The following BANK1 variants were observed in gnomAD, a reference collection of about 807,000 sequenced individuals.
BANK1 encodes B cell scaffold protein with ankyrin repeats 1, also known as B-cell scaffold protein with ankyrin repeats.
BANK1 carries 95 observed loss-of-function variants against 94.5 expected under a neutral mutation model. The ratio of observed to expected loss-of-function variants is 1.00; its 90% CI spans 0.85 to 1.19. The LOEUF (loss-of-function observed/expected upper bound fraction) is 1.19. BANK1 is among the 50% of genes most tolerant of loss of function. The pLI is 0.00. For missense variants in BANK1, 987 were observed against 932.2 expected (o/e 1.06, Z -0.77); for synonymous variants, 334 against 308.4 (o/e 1.08, Z -0.87).
rs1420311191 is a variant in BANK1 at position 102,021,545 on chromosome 4, A to C, written c.1238A>C (p.Glu413Ala). Residue 413 changes from glutamate to alanine, a missense_variant, in exon 8 of 17, where the codon GAA becomes GCA. Coordinates refer to ENST00000322953, the MANE Select transcript of BANK1 (RefSeq NM_017935.5). ...IQEIDINNEQ[E>A]NDYEEDIASF... ...GAAATTGACATAAATAATGAGCAAG[A>C]AAATGATTATGAAGAGGATATTGCC... 1 of 1,470,570 alleles carries C rather than the reference A, an allele frequency of 6.8e-7. No homozygotes were observed. The highest frequency in any genetic ancestry group is 9.2e-7 in the Non-Finnish European group (1 of 1,091,390). 91.1% of individuals were successfully genotyped at this position (1,470,570 alleles called of 1,614,324 possible).
chr4:101,832,586 T>A (rs534736317), intron 2 of BANK1, among the ~76,000 whole-genome samples: 1 of 152,330 alleles, frequency 6.6e-6, no homozygotes, highest in South Asian at 2.1e-4. Flanking sequence ...CCAATCTCTT[T>A]CGTTTTCATA....
rs1377882765 is a variant in BANK1, at chr4:102,004,853, A to C, written c.1207-16661A>C. The stretch of plus-strand genomic sequence containing the variant: ...ATGTGCCTTTTGTCAGGTATGAGAT[A>C]CATTATATGAATCCCTGTGACAAGT... On this transcript the variant is annotated intron_variant, in intron 7 of 16. Transcript: ENST00000322953. Among the ~76,000 whole-genome samples, 5 of 152,124 alleles carry C rather than the reference A, an allele frequency of 3.3e-5. No individual in the cohort carries two copies. The South Asian group carries it at 8.3e-4, about 25-fold the overall frequency.
chr4:101,959,227 C>T (rs952872442), intron 7 of BANK1, among the ~76,000 whole-genome samples: 7 of 151,946 alleles, frequency 4.6e-5, no homozygotes, highest in Non-Finnish European at 8.8e-5. Flanking sequence ...GCAACCTCCA[C>T]CTCCTGGGTT....
At chr4:101,846,670 A>C (rs1470966248) in intron 2 of BANK1, among the ~76,000 whole-genome samples, 1 of 152,202 alleles carries the variant, frequency 6.6e-6, no homozygotes, top group African/African-American at 2.4e-5. Flanking sequence ...GGGCAGGGGA[A>C]GTGCTACAGT....
Position 101,808,789 on chromosome 4 carries a change from A to C in BANK1, c.70+17839A>C, listed in dbSNP as rs776165749. ...CTAATTATCAGGGAAATGCAAATTA[A>C]AACCACAATGAGATACCACCTTATT... On this transcript the variant is annotated intron_variant, in intron 1 of 16. Coordinates refer to ENST00000322953, the MANE Select transcript of BANK1 (RefSeq NM_017935.5). 3.0e-4 allele frequency among the ~76,000 whole-genome samples: 45 copies of C among 152,220 alleles called. 1 individual carries two copies. The highest frequency in any genetic ancestry group is 5.7e-4 in the Non-Finnish European group (39 of 68,044).
Position 101,943,909 on chromosome 4 carries a change from C to T in BANK1, c.1206+25720C>T, listed in dbSNP as rs139516103. Among the ~76,000 whole-genome samples the T allele has an allele frequency of 3.9e-3, 587 of 151,810 alleles. 8 individuals are homozygous for T. Among genetic ancestry groups the T allele is most frequent in the African/African-American group, 0.014 (561 of 41,452 alleles). On this transcript the variant is annotated intron_variant, in intron 7 of 16. Transcript: ENST00000322953. ...TAGGTACTTACCATCTTTAGTCTTT[C>T]GTGTCCTCTGTAAAATGGTAATAAT...
intron 2 of BANK1, among the ~76,000 whole-genome samples, chr4:101,841,786 C>G (rs1302769352): frequency 8.0e-6 from 1 of 125,728 alleles, no homozygotes; most frequent in Non-Finnish European, 1.6e-5. Flanking sequence ...TCCCCCCACC[C>G]CACAACAGTC....
Position 102,035,643 on chromosome 4 carries a change from G to A in BANK1, c.1900+5378G>A, listed in dbSNP as rs1258087264. Among the ~76,000 whole-genome samples, 10 of 78,068 alleles carry A rather than the reference G, an allele frequency of 1.3e-4. No homozygotes were observed. In the East Asian group the frequency reaches 3.4e-3, roughly 26 times the overall value. 51.2% of individuals were successfully genotyped at this position (78,068 alleles called of 152,430 possible). On this transcript the variant is annotated intron_variant, in intron 10 of 16. Coordinates refer to ENST00000322953, the MANE Select transcript of BANK1 (RefSeq NM_017935.5). ...AGCCTGGGTGACAGAGCGAGACTCC[G>A]TCTCAAAAAAAAAAAAAAAAAACTG...
In BANK1 at chr4:101,897,125, C is replaced by T. The variant is rs75388953; in HGVS notation, c.1009+1715C>T. On this transcript the variant is annotated intron_variant, in intron 6 of 16. Transcript: ENST00000322953. ...TGGTAATTGACCCATCTCCTCATCT[C>T]CTGTAATCGTTTGTCTTGAGTGATT... 3.7e-3 allele frequency among the ~76,000 whole-genome samples: 564 copies of T among 152,054 alleles called. 3 individuals carry two copies. The highest frequency in any genetic ancestry group is 0.013 in the African/African-American group (531 of 41,532).
At chr4:102,064,313 T>C (rs1728520095) in intron 13 of BANK1, among the ~76,000 whole-genome samples, 1 of 152,182 alleles carries the variant, frequency 6.6e-6, no homozygotes, top group Admixed American at 6.5e-5. Flanking sequence ...ATTAAGGTCA[T>C]AAAGACAGGG....
chr4:101,792,458 TGTGTGTGTG>T (rs1560576013), intron 1 of BANK1, among the ~76,000 whole-genome samples: 6 of 99,964 alleles, frequency 6.0e-5, no homozygotes, highest in African/African-American at 1.8e-4. Flanking sequence ...TGTGTGTGTG[TGTGTGTGTG>T]TGTTTTTTTT....
intron 7 of BANK1, among the ~76,000 whole-genome samples, chr4:101,953,182 T>A (rs1724230764): frequency 6.6e-6 from 1 of 152,108 alleles, no homozygotes; most frequent in South Asian, 2.1e-4. Context: ...ACCCTGGAGG[T>A]GATCGTGCTC....
Position 101,808,246 on chromosome 4 carries a change from C to T in BANK1, c.70+17296C>T, listed in dbSNP as rs1228876962. 1.3e-5 allele frequency among the ~76,000 whole-genome samples: 2 copies of T among 152,108 alleles called. 1 individual carries two copies. Among genetic ancestry groups the T allele is most frequent in the South Asian group, 4.1e-4 (2 of 4,826 alleles). On this transcript the variant is annotated intron_variant, in intron 1 of 16. Transcript: ENST00000322953. ...GCTCATACCAGAAAGGTTTTCCTCCCGTGTAGACATTTCTGTTTTTTAGAT... is the reference window on the plus strand; with the variant it reads ...GCTCATACCAGAAAGGTTTTCCTCCTGTGTAGACATTTCTGTTTTTTAGAT...
chr4:102,009,610 T>G (rs917614717), intron 7 of BANK1, among the ~76,000 whole-genome samples: 3 of 152,190 alleles, frequency 2.0e-5, no homozygotes, highest in African/African-American at 4.8e-5. Flanking sequence ...CCTTATTGTT[T>G]GGCCACTCCA....
chr4:102,024,684 A>G (rs115172801), intron 8 of BANK1, among the ~76,000 whole-genome samples: 5,578 of 152,194 alleles, frequency 0.037, 346 homozygotes, highest in African/African-American at 0.13. Context: ...AAGTTAATAC[A>G]GTATCTGTAA....
chr4:101,901,594 A>G (rs1300914557), intron 6 of BANK1, among the ~76,000 whole-genome samples: 1 of 152,222 alleles, frequency 6.6e-6, no homozygotes, highest in African/African-American at 2.4e-5. Context: ...TGTGAAATAC[A>G]AAGGACAGAA....
At position 101,852,497 on chromosome 4, in the gene BANK1, TATATATAC is replaced by T. The variant is rs1192097043; in HGVS notation, c.470-2536_470-2529del. 4.6e-3 allele frequency among the ~76,000 whole-genome samples: 527 copies of T among 115,056 alleles called. 3 individuals carry two copies. The highest frequency in any genetic ancestry group is 0.016 in the African/African-American group (472 of 29,346). The allele number at this position is 115,056 out of a possible 152,430, so 75.5% of individuals were successfully genotyped here. A position where few individuals can be genotyped will look rare whatever the true frequency, so the allele number is the denominator to read the frequency against. The stretch of plus-strand genomic sequence containing the variant: ...ATATATATATATATATATATATATA[TATATATAC>T]ACACACACATATAGTCTATTCTCAT... On this transcript the variant is annotated intron_variant, in intron 2 of 16. Coordinates refer to ENST00000322953, the MANE Select transcript of BANK1 (RefSeq NM_017935.5).
chr4:101,896,702 T>A (rs1021254576), intron 6 of BANK1, among the ~76,000 whole-genome samples: 3 of 151,828 alleles, frequency 2.0e-5, no homozygotes, highest in African/African-American at 7.3e-5. Flanking sequence ...GAAAAACAAA[T>A]AATATACATG....
intron 7 of BANK1, among the ~76,000 whole-genome samples, chr4:101,993,676 A>T (rs986515779): frequency 6.6e-6 from 1 of 152,190 alleles, no homozygotes; most frequent in Non-Finnish European, 1.5e-5. Context: ...TAGAGAGAAG[A>T]AACTCACTTC....
Sources: gnomAD v4.1 joint callset for allele counts (sites outside exome capture counted in the v4.1 genomes callset) on GRCh38, gnomAD v4.1.1 for gene constraint, MANE v1.5 for transcripts, NCBI Gene and HGNC (gene_info 2026-07-23, HGNC 2026-07-21) for gene names.